CDKAL1: variants seen among roughly 807,000 people sequenced by gnomAD.
CDKAL1 encodes CDKAL1 threonylcarbamoyladenosine tRNA methylthiotransferase.
In CDKAL1, 32 loss-of-function variants were observed where a neutral mutation model predicts 68.2. The ratio of observed to expected loss-of-function variants is 0.47; its 90% confidence interval spans 0.35 to 0.63. The LOEUF (loss-of-function observed/expected upper bound fraction) is 0.63, where lower values mean the gene tolerates loss of function less well. Among genes scored for constraint, CDKAL1 ranks in the 30% least tolerant of loss-of-function variants. The pLI is 0.00. For synonymous variants in CDKAL1, 234 were observed against 244.3 expected, an observed-to-expected ratio of 0.96 and a Z score of 0.39; for missense variants, 606 against 696.7, an observed-to-expected ratio of 0.87 and a Z score of 1.47.
chr6:20,668,383 A>C (rs1348562704), intron 5 of CDKAL1, among the ~76,000 whole-genome samples: 2 of 152,058 alleles, frequency 1.3e-5, no homozygotes, highest in Admixed American at 1.3e-4. Flanking sequence ...TGGAGTGGCT[A>C]TTTACAGGTG....
chr6:21,160,276 G>A (rs1052366305), intron 13 of CDKAL1, among the ~76,000 whole-genome samples: 2 of 151,958 alleles, frequency 1.3e-5, no homozygotes, highest in Admixed American at 6.6e-5. Flanking sequence ...TTTCGAATGG[G>A]AAATAAAGAT....
chr6:21,212,578 A>T lies in CDKAL1; in HGVS notation c.1548+11304A>T, dbSNP rs184503174. 7.0e-4 allele frequency among the ~76,000 whole-genome samples: 107 copies of T among 152,296 alleles called. 2 individuals are homozygous for T. Among genetic ancestry groups the T allele is most frequent in the African/African-American group, 2.5e-3 (103 of 41,570 alleles). ...AGCCTATCTCTCCTATGAGACTCAG[A>T]GTGTGGATGTTGCATTGTACCTAAA... On this transcript the variant is annotated intron_variant, in intron 15 of 15. Transcript: ENST00000274695.
intron 4 of CDKAL1, among the ~76,000 whole-genome samples, chr6:20,619,620 A>G (rs1767086498): frequency 6.6e-6 from 1 of 152,208 alleles, no homozygotes; most frequent in Non-Finnish European, 1.5e-5. Context: ...TGTATCATTC[A>G]TATATCCAAT....
At chr6:20,822,296 G>A (rs1777318727) in intron 8 of CDKAL1, among the ~76,000 whole-genome samples, 1 of 152,122 alleles carries the variant, frequency 6.6e-6, no homozygotes, top group Admixed American at 6.5e-5. Flanking sequence ...AGTTGGTTAT[G>A]AATTAATATA....
chr6:20,558,570 G>A, intron 4 of CDKAL1: 2 of 456,646 alleles, frequency 4.4e-6, no homozygotes, highest in Non-Finnish European at 8.8e-6. Flanking sequence ...TCCTATACTT[G>A]GAATTCTGGA....
At chr6:20,698,156 C>A (rs1266949833) in intron 5 of CDKAL1, among the ~76,000 whole-genome samples, 2 of 152,124 alleles carry the variant, frequency 1.3e-5, no homozygotes, top group Non-Finnish European at 2.9e-5. Flanking sequence ...TGCAGTGTGT[C>A]TGTCTGTAAC....
chr6:20,636,888 T>C (rs1279148413), intron 4 of CDKAL1, among the ~76,000 whole-genome samples: 1 of 151,440 alleles, frequency 6.6e-6, no homozygotes, highest in East Asian at 2.0e-4. Context: ...AATACAAAAA[T>C]TAGCCAGGTA....
intron 4 of CDKAL1, among the ~76,000 whole-genome samples, chr6:20,594,263 G>A (rs1765721305): frequency 6.6e-6 from 1 of 152,130 alleles, no homozygotes; most frequent in South Asian, 2.1e-4. Context: ...TCTGTCTAAT[G>A]TTGACAGTGG....
chr6:20,868,447 A>G (rs1221861425), intron 9 of CDKAL1, among the ~76,000 whole-genome samples: 1 of 152,182 alleles, frequency 6.6e-6, no homozygotes, highest in Non-Finnish European at 1.5e-5. Context: ...CCCAATAGCC[A>G]TTGTGCTGAA....
chr6:20,902,084 CT>C (rs34154507), intron 9 of CDKAL1, among the ~76,000 whole-genome samples: 42,917 of 152,076 alleles, frequency 0.28, 7,304 homozygotes, highest in East Asian at 0.36. Flanking sequence ...CACTGTCCCC[CT>C]GACTTCTAAC....
At chr6:21,052,536 T>C (rs1016343872) in intron 11 of CDKAL1, among the ~76,000 whole-genome samples, 3 of 137,972 alleles carry the variant, frequency 2.2e-5, no homozygotes, top group Non-Finnish European at 4.8e-5. Context: ...TTTAATTGGT[T>C]GTTTTTTTTT....
At chr6:21,189,245 G>A (rs1778140361) in intron 13 of CDKAL1, among the ~76,000 whole-genome samples, 1 of 152,122 alleles carries the variant, frequency 6.6e-6, no homozygotes, top group African/African-American at 2.4e-5. Context: ...GCACAAAGAA[G>A]GGAAGAATAA....
chr6:21,109,567 C>T (rs970123555), intron 13 of CDKAL1, among the ~76,000 whole-genome samples: 2 of 152,188 alleles, frequency 1.3e-5, no homozygotes, highest in Non-Finnish European at 2.9e-5. Context: ...ATATGTAATA[C>T]TAAAACTTAT....
intron 9 of CDKAL1, among the ~76,000 whole-genome samples, chr6:20,848,418 T>C (rs1009715967): frequency 6.6e-6 from 1 of 152,150 alleles, no homozygotes; most frequent in Non-Finnish European, 1.5e-5. Context: ...ATATCCACCT[T>C]AGCTCTGTGA....
intron 8 of CDKAL1, among the ~76,000 whole-genome samples, chr6:20,798,942 A>G (rs1776236361): frequency 6.7e-6 from 1 of 149,950 alleles, no homozygotes; most frequent in Non-Finnish European, 1.5e-5. Context: ...AAAGAAAAGA[A>G]AATTGTGTTA....
chr6:21,072,554 C>CAAAAAAAAAA (rs71540611), intron 12 of CDKAL1, among the ~76,000 whole-genome samples: 559 of 44,486 alleles, frequency 0.013, 58 homozygotes, highest in Non-Finnish European at 0.013. Context: ...GACTCCGTCT[C>CAAAAAAAAAA]AAAAAAAAAA....
At chr6:20,910,604 G>C (rs1310219371) in intron 9 of CDKAL1, among the ~76,000 whole-genome samples, 3 of 152,144 alleles carry the variant, frequency 2.0e-5, no homozygotes, top group Non-Finnish European at 2.9e-5. Flanking sequence ...GACCCCCTCT[G>C]TGTGCCCTGA....
chr6:20,922,953 A>G (rs1763023064), intron 9 of CDKAL1, among the ~76,000 whole-genome samples: 1 of 152,240 alleles, frequency 6.6e-6, no homozygotes, highest in Non-Finnish European at 1.5e-5. Flanking sequence ...AATTAGTCAT[A>G]AGAGTATTTA....
intron 9 of CDKAL1, among the ~76,000 whole-genome samples, chr6:20,908,695 T>C (rs964359755): frequency 6.6e-6 from 1 of 152,262 alleles, no homozygotes; most frequent in Non-Finnish European, 1.5e-5. Context: ...AGTTGACTTA[T>C]ACAATAAACA....
Sources: allele counts gnomAD v4.1 joint callset (sites outside exome capture counted in the v4.1 genomes callset), GRCh38; gene constraint gnomAD v4.1.1; transcripts MANE v1.5; gene names NCBI Gene and HGNC (gene_info 2026-07-23, HGNC 2026-07-21).